The following TMEM109 variants were observed in gnomAD, a reference collection of about 807,000 sequenced individuals.
TMEM109 encodes the protein transmembrane protein 109.
Under a neutral mutation model 26.4 loss-of-function variants are expected in TMEM109, and 19 were observed. The observed-to-expected ratio is 0.72, with a 90% CI of 0.50 to 1.06. The LOEUF (loss-of-function observed/expected upper bound fraction) is 1.06. Among genes scored for constraint, TMEM109 ranks in the 50% least tolerant of loss-of-function variants. TMEM109 has a pLI of 0.00. For synonymous variants in TMEM109, 129 were observed against 142.0 expected, an observed-to-expected ratio of 0.91 and a Z score of 0.65; for missense variants, 262 against 303.4, an observed-to-expected ratio of 0.86 and a Z score of 1.01.
intron 3 of TMEM109, 40 bp downstream of exon 3, chr11:60,921,028 C>G: frequency 6.5e-7 from 1 of 1,537,326 alleles, no homozygotes; most frequent in Middle Eastern, 1.7e-4. Flanking sequence ...AGAGCTTTGC[C>G]TGTACTTTCC....
intron 1 of TMEM109, among the ~76,000 whole-genome samples, chr11:60,914,859 C>A (rs1049837108): frequency 5.9e-5 from 9 of 152,250 alleles, no homozygotes; most frequent in Admixed American, 2.0e-4. Flanking sequence ...TGCCCCCAAC[C>A]TGCCAGGGCG....
In TMEM109 at chr11:60,922,284, T is replaced by TCA. The variant is rs1476879380; in HGVS notation, c.*119_*120insCA. 3 of 1,543,410 alleles carry TCA rather than the reference T, an allele frequency of 1.9e-6. No individual in the cohort carries two copies. Among genetic ancestry groups the TCA allele is most frequent in the Non-Finnish European group, 2.6e-6 (3 of 1,146,792 alleles). ...CCCTGTCTCTGAACCTTCAGAACAT[T>TCA]GATCCTTGCCGCAGCCCCACTAGCC... is the stretch of plus-strand genomic sequence containing the variant. On this transcript the variant is annotated 3_prime_UTR_variant, in exon 4 of 4. Coordinates refer to ENST00000227525, the MANE Select transcript of TMEM109 (RefSeq NM_024092.3).
chr11:60,915,295 C>T (rs1856161640), intron 1 of TMEM109, among the ~76,000 whole-genome samples: 1 of 152,344 alleles, frequency 6.6e-6, no homozygotes, highest in South Asian at 2.1e-4. Flanking sequence ...CTCCCTTTTA[C>T]GTTTGAGGAG....
At chr11:60,920,212 G>A (rs534653003) in intron 2 of TMEM109, among the ~76,000 whole-genome samples, 1 of 152,202 alleles carries the variant, frequency 6.6e-6, no homozygotes, top group African/African-American at 2.4e-5. Flanking sequence ...CTGGGTGACT[G>A]TAGAGTCTCA....
chr11:60,920,664 G>A (rs1680982524), intron 2 of TMEM109, among the ~76,000 whole-genome samples: 1 of 152,212 alleles, frequency 6.6e-6, no homozygotes, highest in Non-Finnish European at 1.5e-5. Context: ...GTTCAGGAAG[G>A]AGAGACAGCC....
Position 60,923,002 on chromosome 11 carries a change from A to C in TMEM109, c.*837A>C, listed in dbSNP as rs1856268357. 1 of 152,512 alleles carries C rather than the reference A, an allele frequency of 6.6e-6. No individual in the cohort carries two copies. The highest frequency in any genetic ancestry group is 2.4e-5 in the African/African-American group (1 of 41,436). 9.4% of individuals were successfully genotyped at this position (152,512 alleles called of 1,614,324 possible). ...GCATTATATGCCCTGTGGGGGTTTC[A>C]GAGACCCTGAAAGAGGAGGGAGGAC... On this transcript the variant is annotated 3_prime_UTR_variant, in exon 4 of 4. Coordinates refer to ENST00000227525, the MANE Select transcript of TMEM109 (RefSeq NM_024092.3).
intron 1 of TMEM109, chr11:60,919,093 A>C (rs145075601): frequency 6.5e-6 from 1 of 154,212 alleles, no homozygotes. Flanking sequence ...TCTGAGTCAC[A>C]GTTTCTTCTC....
rs943784890 is a variant in TMEM109 at position 60,914,240 on chromosome 11, A to G, written c.-37A>G. 3 of 152,180 alleles carry G rather than the reference A, an allele frequency of 2.0e-5. No homozygotes were observed. Among genetic ancestry groups the G allele is most frequent in the African/African-American group, 7.2e-5 (3 of 41,442 alleles). 9.4% of individuals were successfully genotyped at this position (152,180 alleles called of 1,614,324 possible). On this transcript the variant is annotated 5_prime_UTR_variant, in exon 1 of 4. Coordinates refer to ENST00000227525, the MANE Select transcript of TMEM109 (RefSeq NM_024092.3). ...TGGTGGCGCGTTTCAGCGAAGTCGC[A>G]CGTGAAGGATAGCAGTGGCCTGAGA...
intron 1 of TMEM109, among the ~76,000 whole-genome samples, chr11:60,917,413 C>G (rs1488142270): frequency 6.6e-6 from 1 of 152,168 alleles, no homozygotes; most frequent in East Asian, 1.9e-4. Context: ...TGGAGGGGAA[C>G]AGGGAATTTG....
intron 1 of TMEM109, chr11:60,919,289 G>A (rs1011984680): frequency 9.6e-6 from 2 of 207,994 alleles, no homozygotes; most frequent in Non-Finnish European, 2.0e-5. Context: ...TGTATCTTAA[G>A]TAGATTATAA....
chr11:60,918,290 T>TG (rs1201304378), intron 1 of TMEM109, among the ~76,000 whole-genome samples: 1 of 152,184 alleles, frequency 6.6e-6, no homozygotes, highest in Non-Finnish European at 1.5e-5. Context: ...AGAATGCCAC[T>TG]GCCTGCGTAG....
intron 1 of TMEM109, among the ~76,000 whole-genome samples, chr11:60,918,313 A>T (rs73493035): frequency 0.038 from 5,755 of 152,298 alleles, 334 homozygotes; most frequent in African/African-American, 0.13. Flanking sequence ...TATAATGAAC[A>T]GAAATTCATT....
At chr11:60,915,823 C>T (rs779903800) in intron 1 of TMEM109, among the ~76,000 whole-genome samples, 5 of 152,226 alleles carry the variant, frequency 3.3e-5, no homozygotes, top group African/African-American at 4.8e-5. Context: ...CGCCTTCTCA[C>T]TAACACAATA....
intron 1 of TMEM109, among the ~76,000 whole-genome samples, chr11:60,918,139 G>A (rs1856192561): frequency 6.6e-6 from 1 of 152,156 alleles, no homozygotes; most frequent in African/African-American, 2.4e-5. Context: ...CCTACCCGAT[G>A]GGCTGTTGTG....
rs772400558 is a variant in TMEM109, at chr11:60,919,861, G to T, written c.168G>T (p.Gln56His). Residue 56 changes from glutamine (Q) to histidine (H), a missense_variant, in exon 2 of 4, where the codon CAG (glutamine) becomes CAT (histidine). By Grantham distance (24) the Gln-to-His change is conservative. Coordinates refer to ENST00000227525, the MANE Select transcript of TMEM109 (RefSeq NM_024092.3). Reference sequence around the variant, plus strand: ...AAGCCCCAGTTGATGTCTTGACCCAGATAGGTCGATCTGTGCGAGGGACAC... The same window carrying T: ...AAGCCCCAGTTGATGTCTTGACCCATATAGGTCGATCTGTGCGAGGGACAC... ...KREAPVDVLT[Q>H]IGRSVRGTLD... is the part of the protein sequence containing the mutation. 37 of 1,614,086 alleles carry T rather than the reference G, an allele frequency of 2.3e-5. No individual in the cohort carries two copies. Among genetic ancestry groups the T allele is most frequent in the Non-Finnish European group, 3.0e-5 (35 of 1,180,042 alleles).
Position 60,922,754 on chromosome 11 carries a change from G to A in TMEM109, c.*589G>A, listed in dbSNP as rs888226475. ...ACAGGGTCCCCTGAGGCCTGTGGGGGCTGCAGGGGAGGAGGATGTACCTTG... is the reference window on the plus strand; with the variant it reads ...ACAGGGTCCCCTGAGGCCTGTGGGGACTGCAGGGGAGGAGGATGTACCTTG... On this transcript the variant is annotated 3_prime_UTR_variant, in exon 4 of 4. Coordinates refer to ENST00000227525, the MANE Select transcript of TMEM109 (RefSeq NM_024092.3). 5.1e-6 allele frequency: 1 copy of A among 197,650 alleles called. No individual in the cohort carries two copies. 12.2% of individuals were successfully genotyped at this position (197,650 alleles called of 1,614,324 possible).
Position 60,919,874 on chromosome 11 carries a change from G to T in TMEM109, c.181G>T (p.Val61Leu), listed in dbSNP as rs1488776764. 9 of 1,614,220 alleles carry T rather than the reference G, an allele frequency of 5.6e-6. No individual in the cohort carries two copies. Among genetic ancestry groups the T allele is most frequent in the Non-Finnish European group, 7.6e-6 (9 of 1,180,032 alleles). The change falls in exon 2 of 4, where the codon GTG (valine) becomes TTG (leucine). Residue 61 changes from valine (V) to leucine (L), a missense_variant. Physicochemically the swap from Val to Leu is conservative, Grantham distance 32. Coordinates refer to ENST00000227525, the MANE Select transcript of TMEM109 (RefSeq NM_024092.3). Reference sequence around the variant, plus strand: ...TGTCTTGACCCAGATAGGTCGATCTGTGCGAGGGACACTGGATGCCTGGAT... The same window carrying T: ...TGTCTTGACCCAGATAGGTCGATCTTTGCGAGGGACACTGGATGCCTGGAT... ...VDVLTQIGRS[V>L]RGTLDAWIGP...
At chr11:60,921,110 CAG>C (rs1856232209) in intron 3 of TMEM109, 122 bp downstream of exon 3, 1 of 847,224 alleles carries the variant, frequency 1.2e-6, no homozygotes, top group Admixed American at 2.2e-5. Context: ...CAGGATTCTG[CAG>C]AGACATGGCC....
rs1363120278 is a variant in TMEM109 at position 60,921,754 on chromosome 11, G to A, written c.341-20G>A. The A allele has an allele frequency of 1.3e-6, 2 of 1,596,806 alleles. No individual in the cohort carries two copies. Among genetic ancestry groups the A allele is most frequent in the South Asian group, 1.1e-5 (1 of 89,866 alleles). On this transcript the variant is annotated intron_variant, in intron 3 of 3. Transcript: ENST00000227525. ...CCACTTCTCCAGGTTGGCTGACTCT[G>A]TGACTCTCTTGGCTTCCAGGTGATT...
Sources: allele counts gnomAD v4.1 joint callset (sites outside exome capture counted in the v4.1 genomes callset), GRCh38; gene constraint gnomAD v4.1.1; transcripts MANE v1.5; gene names NCBI Gene and HGNC (gene_info 2026-07-23, HGNC 2026-07-21).